Variants in GRIA1 observed in about 807,000 individuals in gnomAD.
GRIA1 encodes the protein glutamate receptor 1.
Under a neutral mutation model 99.2 loss-of-function variants are expected in GRIA1, and 31 were observed. The observed-to-expected ratio is 0.31, with a 90% CI of 0.23 to 0.42. GRIA1 has a LOEUF of 0.42. GRIA1 is among the 10% of genes least tolerant of loss of function. The probability of loss-of-function intolerance (pLI) is 1.00; values close to 1 mark genes in which losing one functional copy is unlikely to be tolerated. For missense variants in GRIA1, 782 were observed against 1,157.5 expected, an observed-to-expected ratio of 0.68 and a Z score of 4.71; for synonymous variants, 438 against 432.4, an observed-to-expected ratio of 1.01 and a Z score of -0.16.
At chr5:153,791,687 G>T (rs1765314161) in intron 13 of GRIA1, among the ~76,000 whole-genome samples, 2 of 152,122 alleles carry the variant, frequency 1.3e-5, no homozygotes, top group African/African-American at 4.8e-5. Flanking sequence ...AATAAAGCAC[G>T]TAAAGTGCTT....
chr5:153,552,980 G>C (rs1760287678), intron 2 of GRIA1, among the ~76,000 whole-genome samples: 1 of 152,078 alleles, frequency 6.6e-6, no homozygotes, highest in Admixed American at 6.6e-5. Context: ...GCCCTGGCTG[G>C]TTTCAAACTC....
intron 5 of GRIA1, among the ~76,000 whole-genome samples, chr5:153,658,508 T>C (rs1164720312): frequency 6.6e-6 from 1 of 152,206 alleles, no homozygotes; most frequent in Non-Finnish European, 1.5e-5. Flanking sequence ...AAAAAAGACT[T>C]GCATGTTTCG....
intron 5 of GRIA1, among the ~76,000 whole-genome samples, chr5:153,672,881 A>G (rs1031922677): frequency 1.3e-5 from 2 of 152,202 alleles, no homozygotes; most frequent in African/African-American, 4.8e-5. Context: ...TCCCACTCAA[A>G]TTCCTTGGGC....
At chr5:153,664,951 A>T (rs901120482) in intron 5 of GRIA1, among the ~76,000 whole-genome samples, 7 of 152,322 alleles carry the variant, frequency 4.6e-5, no homozygotes, top group Admixed American at 4.6e-4. Context: ...GGTTTTGATC[A>T]TGTAAAGGGT....
At chr5:153,665,421 G>A (rs974735110) in intron 5 of GRIA1, among the ~76,000 whole-genome samples, 3 of 152,144 alleles carry the variant, frequency 2.0e-5, no homozygotes, top group Non-Finnish European at 2.9e-5. Context: ...ACTGATTTAA[G>A]CACAGCTACA....
chr5:153,752,766 A>G (rs1762582446), intron 11 of GRIA1, among the ~76,000 whole-genome samples: 1 of 152,208 alleles, frequency 6.6e-6, no homozygotes, highest in Non-Finnish European at 1.5e-5. Context: ...TTCTTCAACC[A>G]AACACTAATC....
At chr5:153,666,235 C>T (rs1419497004) in intron 5 of GRIA1, among the ~76,000 whole-genome samples, 1 of 152,212 alleles carries the variant, frequency 6.6e-6, no homozygotes, top group Non-Finnish European at 1.5e-5. Context: ...AGCATGCACC[C>T]TGATCCAGGT....
chr5:153,746,407 G>C (rs1016617247), intron 11 of GRIA1, among the ~76,000 whole-genome samples: 1 of 152,122 alleles, frequency 6.6e-6, no homozygotes, highest in Non-Finnish European at 1.5e-5. Context: ...GTTAACAAAC[G>C]TTAATTAAAG....
chr5:153,770,759 G>T (rs947133288), intron 13 of GRIA1, among the ~76,000 whole-genome samples: 1 of 152,164 alleles, frequency 6.6e-6, no homozygotes, highest in Non-Finnish European at 1.5e-5. Flanking sequence ...ATCCAACAAC[G>T]CTATGAACAG....
intron 11 of GRIA1, among the ~76,000 whole-genome samples, chr5:153,720,317 G>A (rs542168351): frequency 2.1e-4 from 32 of 152,276 alleles, no homozygotes; most frequent in African/African-American, 7.2e-4. Flanking sequence ...TTCAGGTTAT[G>A]TAGGACCTTG....
intron 2 of GRIA1, among the ~76,000 whole-genome samples, chr5:153,516,661 T>C (rs978903017): frequency 4.6e-5 from 7 of 152,116 alleles, no homozygotes; most frequent in African/African-American, 1.7e-4. Context: ...CTGGAGCACC[T>C]GTTGGCTGGG....
At chr5:153,734,719 A>C (rs749022466) in intron 11 of GRIA1, among the ~76,000 whole-genome samples, 10 of 152,222 alleles carry the variant, frequency 6.6e-5, no homozygotes, top group Non-Finnish European at 1.3e-4. Context: ...GGGATAGGCC[A>C]GGGAAGGCTT....
At chr5:153,743,095 C>T (rs1761923317) in intron 11 of GRIA1, among the ~76,000 whole-genome samples, 1 of 152,138 alleles carries the variant, frequency 6.6e-6, no homozygotes, top group South Asian at 2.1e-4. Context: ...GAAAGTGAGC[C>T]TTTATTCTTA....
chr5:153,634,592 C>G lies in GRIA1; in HGVS notation c.221-12336C>G, dbSNP rs573367077. Among the ~76,000 whole-genome samples, 4 of 152,236 alleles carry G rather than the reference C, an allele frequency of 2.6e-5. No homozygotes were observed. In the East Asian group the frequency reaches 7.7e-4, roughly 29 times the overall value. ...GTGGGAGAGATAGGCAGGGCCAGAA[C>G]TCAGAGCCTCAGAGTTCAAAGTGCC... On this transcript the variant is annotated intron_variant, in intron 2 of 15. Transcript: ENST00000285900.
intron 2 of GRIA1, among the ~76,000 whole-genome samples, chr5:153,548,095 G>A (rs988297078): frequency 2.6e-5 from 4 of 152,136 alleles, no homozygotes; most frequent in African/African-American, 9.7e-5. Flanking sequence ...TCCTGCTTGA[G>A]CAGGCTGAGC....
chr5:153,731,216 CT>C (rs1414451294), intron 11 of GRIA1, among the ~76,000 whole-genome samples: 6 of 151,714 alleles, frequency 4.0e-5, no homozygotes, highest in African/African-American at 1.5e-4. Flanking sequence ...CTCTTTCTCT[CT>C]GTCTCTCTTT....
intron 13 of GRIA1, among the ~76,000 whole-genome samples, chr5:153,775,735 A>G (rs1764188039): frequency 6.7e-6 from 1 of 149,590 alleles, no homozygotes; most frequent in Non-Finnish European, 1.5e-5. Flanking sequence ...CCAATGCCAT[A>G]AGAGAGCCAG....
At chr5:153,809,946 C>A (rs928047056) in intron 15 of GRIA1, among the ~76,000 whole-genome samples, 14 of 152,060 alleles carry the variant, frequency 9.2e-5, no homozygotes, top group African/African-American at 3.4e-4. Context: ...TGATTCCCAC[C>A]AAGAAACCAA....
intron 2 of GRIA1, among the ~76,000 whole-genome samples, chr5:153,583,028 C>T (rs1763178296): frequency 6.6e-6 from 1 of 152,010 alleles, no homozygotes; most frequent in South Asian, 2.1e-4. Context: ...AAACTCCTGA[C>T]CTCAAGCAAT....
Sources: gnomAD v4.1 joint callset for allele counts (sites outside exome capture counted in the v4.1 genomes callset) on GRCh38, gnomAD v4.1.1 for gene constraint, MANE v1.5 for transcripts, NCBI Gene and HGNC (gene_info 2026-07-23, HGNC 2026-07-21) for gene names.